Variants in GNS observed in about 807,000 individuals in gnomAD.
GNS encodes glucosamine (N-acetyl)-6-sulfatase.
GNS carries 40 observed loss-of-function variants against 69.7 expected under a neutral mutation model. The observed-to-expected ratio is 0.57, with a 90% CI of 0.45 to 0.75. The LOEUF is 0.75. Ranked by LOEUF, GNS falls within the 30% of genes least tolerant of loss-of-function variation. The probability of loss-of-function intolerance (pLI) is 0.00; values close to 1 mark genes in which losing one functional copy is unlikely to be tolerated. For synonymous variants in GNS, 243 were observed against 251.6 expected (o/e 0.97, Z 0.32); for missense variants, 565 against 685.5 (o/e 0.82, Z 1.96).
rs751358599 is a variant in GNS at position 64,759,172 on chromosome 12, C to T, written c.105G>A (p.Leu35=). The part of the protein sequence containing the change: ...ALLLLVLGGC[L]GVFGVAAGTR... ...TTCCCGCAGCCACCCCGAAGACCCC[C>T]AGGCAGCCGCCCAGCACCAGCAGTA... Residue 35 remains leucine (L), a synonymous_variant, in exon 1 of 14, where the codon CTG becomes CTA. Coordinates refer to ENST00000258145, the MANE Select transcript of GNS (RefSeq NM_002076.4). The T allele has an allele frequency of 1.3e-6, 2 of 1,552,140 alleles. No homozygotes were observed. The highest frequency in any genetic ancestry group is 1.7e-6 in the Non-Finnish European group (2 of 1,148,252).
At chr12:64,717,518 AT>A (rs57088346) in intron 13 of GNS, among the ~76,000 whole-genome samples, 2,650 of 131,198 alleles carry the variant, frequency 0.02, 19 homozygotes, top group African/African-American at 0.049. Context: ...CACCTGGCTA[AT>A]TTTTTTTTTT....
intron 10 of GNS, among the ~76,000 whole-genome samples, chr12:64,728,490 C>G (rs1250486864): frequency 1.3e-5 from 2 of 152,212 alleles, no homozygotes; most frequent in Non-Finnish European, 2.9e-5. Flanking sequence ...CTTCTGAAAT[C>G]TTGGGTATTT....
chr12:64,752,846 C>CA, intron 1 of GNS, 89 bp from the exon 2 acceptor site: 1 of 749,776 alleles, frequency 1.3e-6, no homozygotes. Context: ...ACATCTTACT[C>CA]AATCTTTTAT....
chr12:64,739,247 G>A lies in GNS; in HGVS notation c.994+134C>T, dbSNP rs572259712. 1.0e-5 allele frequency: 8 copies of A among 767,930 alleles called. No individual in the cohort carries two copies. In the South Asian group the frequency reaches 1.1e-4, roughly 10 times the overall value. The allele number at this position is 767,930 out of a possible 1,614,324, so 47.6% of individuals were successfully genotyped here. On this transcript the variant is annotated intron_variant, in intron 8 of 13. Transcript: ENST00000258145. ...ATGATGTGGTGCTCCAACTGGAGGG[G>A]TCCTGAGGGCAAGATCCTCCCTCTG...
intron 6 of GNS, among the ~76,000 whole-genome samples, chr12:64,742,182 G>A (rs557637734): frequency 4.7e-4 from 71 of 152,142 alleles, no homozygotes; most frequent in African/African-American, 1.5e-3. Flanking sequence ...CACCACGCCC[G>A]GCTAATTTTT....
At chr12:64,721,018 G>A in intron 12 of GNS, among the ~76,000 whole-genome samples, 1 of 152,226 alleles carries the variant, frequency 6.6e-6, no homozygotes, top group East Asian at 1.9e-4. Context: ...GAGAAACACA[G>A]ATGGGCATCT....
At chr12:64,748,916 T>C (rs912193541) in intron 2 of GNS, among the ~76,000 whole-genome samples, 1 of 152,212 alleles carries the variant, frequency 6.6e-6, no homozygotes, top group East Asian at 1.9e-4. Context: ...TTTTTTTGCC[T>C]TTCAAATTTG....
At chr12:64,731,751 T>C (rs190202112) in intron 9 of GNS, among the ~76,000 whole-genome samples, 129 of 152,312 alleles carry the variant, frequency 8.5e-4, no homozygotes, top group African/African-American at 2.8e-3. Flanking sequence ...TTTCACAGTA[T>C]TGCTTTTGTC....
chr12:64,757,316 GT>G (rs1870282019), intron 1 of GNS, among the ~76,000 whole-genome samples: 1 of 152,182 alleles, frequency 6.6e-6, no homozygotes, highest in South Asian at 2.1e-4. Context: ...AATCAATTTT[GT>G]TTTCAACACC....
intron 6 of GNS, 95 bp from the exon 7 acceptor site, chr12:64,740,783 C>T (rs1319811855): frequency 1.4e-5 from 10 of 730,614 alleles, no homozygotes; most frequent in Non-Finnish European, 2.5e-5. Context: ...AACCGTTTCA[C>T]TCATACTTCA....
chr12:64,749,978 G>A (rs1331488408), intron 2 of GNS, among the ~76,000 whole-genome samples: 1 of 150,212 alleles, frequency 6.7e-6, no homozygotes, highest in African/African-American at 2.5e-5. Context: ...TCAGGGTTAA[G>A]CAATCCTCCC....
rs1868796629 is a variant in GNS, at chr12:64,714,364, T to C, written c.*2377A>G. 6.6e-6 allele frequency: 1 copy of C among 152,128 alleles called. No individual in the cohort carries two copies. The highest frequency in any genetic ancestry group is 2.4e-5 in the African/African-American group (1 of 41,426). The allele number at this position is 152,128 out of a possible 1,614,324, so 9.4% of individuals were successfully genotyped here. A position where few individuals can be genotyped will look rare whatever the true frequency, so the allele number is the denominator to read the frequency against. On this transcript the variant is annotated 3_prime_UTR_variant, in exon 14 of 14. Coordinates refer to ENST00000258145, the MANE Select transcript of GNS (RefSeq NM_002076.4). ...AAATCAAAATCTAAATGAATACAAT[T>C]AAAAGGAGGCAGCAAGCTTCTTGCA...
intron 9 of GNS, among the ~76,000 whole-genome samples, chr12:64,730,434 CAAA>C (rs35692874): frequency 3.0e-4 from 13 of 43,374 alleles, no homozygotes; most frequent in South Asian, 1.2e-3. Context: ...ATATGAAAGG[CAAA>C]AAAAAAAAAA....
intron 2 of GNS, among the ~76,000 whole-genome samples, chr12:64,750,022 C>T (rs1369043200): frequency 1.3e-5 from 2 of 151,890 alleles, no homozygotes; most frequent in African/African-American, 2.4e-5. Context: ...GGACCACAGA[C>T]GTGCACCACC....
chr12:64,725,784 C>T (rs541892587), intron 10 of GNS, among the ~76,000 whole-genome samples: 78 of 151,786 alleles, frequency 5.1e-4, no homozygotes, highest in African/African-American at 1.8e-3. Flanking sequence ...ATCACGAGGT[C>T]GGGAGATCGA....
intron 6 of GNS, among the ~76,000 whole-genome samples, chr12:64,741,355 G>A (rs1279163640): frequency 2.0e-5 from 3 of 151,394 alleles, no homozygotes; most frequent in Non-Finnish European, 4.4e-5. Context: ...GCACGATCTC[G>A]GCTCACTGCA....
intron 1 of GNS, 38 bp from the exon 2 acceptor site, chr12:64,752,795 C>A (rs562496924): frequency 9.8e-7 from 1 of 1,020,518 alleles, no homozygotes; most frequent in East Asian, 2.4e-5. Context: ...ACAATTTCTT[C>A]CAATAAATTG....
chr12:64,722,083 C>T (rs555672518), intron 11 of GNS, among the ~76,000 whole-genome samples: 11 of 151,066 alleles, frequency 7.3e-5, no homozygotes, highest in South Asian at 2.1e-4. Flanking sequence ...AGAGTGCAGT[C>T]GTGCGATCTC....
intron 10 of GNS, among the ~76,000 whole-genome samples, chr12:64,727,532 T>C (rs1285205024): frequency 6.6e-6 from 1 of 152,158 alleles, no homozygotes; most frequent in South Asian, 2.1e-4. Flanking sequence ...AAATGTGATA[T>C]ATTCACACAC....
Sources: gnomAD v4.1 joint callset for allele counts (sites outside exome capture counted in the v4.1 genomes callset) on GRCh38, gnomAD v4.1.1 for gene constraint, MANE v1.5 for transcripts, NCBI Gene and HGNC (gene_info 2026-07-23, HGNC 2026-07-21) for gene names.